Variants in AGXT observed in about 807,000 individuals in gnomAD.
AGXT encodes alanine--glyoxylate aminotransferase.
Under a neutral mutation model 46.9 loss-of-function variants are expected in AGXT, and 41 were observed. That is an observed-to-expected ratio of 0.88 (90% confidence interval 0.68 to 1.14). The LOEUF (loss-of-function observed/expected upper bound fraction) is 1.14, where lower values mean the gene tolerates loss of function less well. Ranked by LOEUF, AGXT falls within the 50% of genes most tolerant of loss-of-function variation. AGXT has a pLI of 0.00. For missense variants in AGXT, 525 were observed against 522.7 expected, an observed-to-expected ratio of 1.00 and a Z score of -0.04; for synonymous variants, 244 against 227.9, an observed-to-expected ratio of 1.07 and a Z score of -0.64.
At position 240,878,106 on chromosome 2, in the gene AGXT, T is replaced by A; in HGVS notation, c.1027T>A (p.Phe343Ile). Reference sequence around the variant, plus strand: ...CATCGTCAGCTACGTCATAGACCACTTCGACATTGAGATCATGGGTGGCCT... The same window carrying A: ...CATCGTCAGCTACGTCATAGACCACATCGACATTGAGATCATGGGTGGCCT... ...RDIVSYVIDHFDIEIMGGLGP... is the reference protein window; with the variant it reads ...RDIVSYVIDHIDIEIMGGLGP... Residue 343 changes from phenylalanine to isoleucine, a missense_variant, in exon 10 of 11, where the codon TTC (phenylalanine) becomes ATC (isoleucine). Transcript: ENST00000307503. 6.2e-7 allele frequency: 1 copy of A among 1,613,342 alleles called. No individual in the cohort carries two copies. The highest frequency in any genetic ancestry group is 8.5e-7 in the Non-Finnish European group (1 of 1,179,992).
In AGXT at chr2:240,878,009, G is replaced by A. The variant is rs1204652809; in HGVS notation, c.943-13G>A. 3.1e-6 allele frequency: 5 copies of A among 1,609,770 alleles called. No homozygotes were observed. The highest frequency in any genetic ancestry group is 3.4e-6 in the Non-Finnish European group (4 of 1,179,926). On this transcript the variant is annotated splice_polypyrimidine_tract_variant and intron_variant, in intron 9 of 10. Coordinates refer to ENST00000307503, the MANE Select transcript of AGXT (RefSeq NM_000030.3). ...GCCTCTCACCCACGCACTGAGCCAG[G>A]CCCCTCCTGCAGGCGCTCCGGCTTC... is the stretch of plus-strand genomic sequence containing the variant.
intron 2 of AGXT, among the ~76,000 whole-genome samples, chr2:240,869,746 C>G (rs1437770437): frequency 6.6e-6 from 1 of 152,186 alleles, no homozygotes; most frequent in South Asian, 2.1e-4. Context: ...CTGAAGCCTC[C>G]CCTCAAATCT....
In AGXT at chr2:240,880,030, A is replaced by G. The variant is rs1024315178; in HGVS notation, c.*1209A>G. The G allele has an allele frequency of 6.6e-6, 1 of 152,122 alleles. No individual in the cohort carries two copies. Among genetic ancestry groups the G allele is most frequent in the Non-Finnish European group, 1.5e-5 (1 of 68,034 alleles). 9.4% of individuals were successfully genotyped at this position (152,122 alleles called of 1,614,324 possible). ...ACACCTCATGATTTGTTGGTTCATCACCATAGTTGAGCATCTGGGTTATTT... is the reference window on the plus strand; with the variant it reads ...ACACCTCATGATTTGTTGGTTCATCGCCATAGTTGAGCATCTGGGTTATTT... On this transcript the variant is annotated 3_prime_UTR_variant, in exon 11 of 11. Transcript: ENST00000307503.
At chr2:240,872,294 GGAGGAGGAGGGTGAGAGTT>G (rs1218023138) in intron 4 of AGXT, among the ~76,000 whole-genome samples, 13 of 136,504 alleles carry the variant, frequency 9.5e-5, no homozygotes, top group East Asian at 2.1e-4. Flanking sequence ...TGAACATGCA[GGAGGAGGAGGGTGAGAGTT>G]CGTGAACATG....
At chr2:240,871,828 G>A (rs1271132571) in intron 4 of AGXT, among the ~76,000 whole-genome samples, 3 of 152,208 alleles carry the variant, frequency 2.0e-5, no homozygotes, top group African/African-American at 4.8e-5. Flanking sequence ...CCTCATCCCC[G>A]CATGGGGGTG....
chr2:240,877,527 T>A lies in AGXT; in HGVS notation c.847-10T>A. On this transcript the variant is annotated splice_polypyrimidine_tract_variant and intron_variant, in intron 8 of 10. Transcript: ENST00000307503. ...CATGTCACTGCCCACCAGCGCCATCTCCCACACAGGGCCTGGAGAACAGCT... is the reference window on the plus strand; with the variant it reads ...CATGTCACTGCCCACCAGCGCCATCACCCACACAGGGCCTGGAGAACAGCT... The A allele has an allele frequency of 1.3e-6, 2 of 1,544,190 alleles. No homozygotes were observed. Among genetic ancestry groups the A allele is most frequent in the Non-Finnish European group, 1.8e-6 (2 of 1,142,600 alleles).
intron 2 of AGXT, among the ~76,000 whole-genome samples, chr2:240,870,125 A>G (rs2058983656): frequency 6.6e-6 from 1 of 151,904 alleles, no homozygotes; most frequent in South Asian, 2.1e-4. Context: ...CCCTCCCACA[A>G]CCTGGCCCTG....
At chr2:240,878,669 G>A (rs1026421482) in intron 10 of AGXT, 45 bp from the exon 11 acceptor site, 13 of 1,522,830 alleles carry the variant, frequency 8.5e-6, no homozygotes, top group Non-Finnish European at 1.1e-5. Context: ...GGGTCAGGCA[G>A]GTCCCAGGCG....
At chr2:240,877,345 C>T (rs2059030838) in intron 8 of AGXT, 192 bp from the exon 9 acceptor site, 2 of 702,124 alleles carry the variant, frequency 2.8e-6, no homozygotes, top group African/African-American at 1.7e-5. Flanking sequence ...CTCTGTCTCT[C>T]CCAGACCCAG....
chr2:240,877,451 C>T (rs997819438), intron 8 of AGXT, 86 bp from the exon 9 acceptor site: 4 of 1,305,270 alleles, frequency 3.1e-6, no homozygotes, highest in Admixed American at 4.1e-5. Flanking sequence ...CCTGCAGAGT[C>T]AGGTTCTTCC....
chr2:240,878,642 T>G, intron 10 of AGXT, 72 bp from the exon 11 acceptor site: 1 of 1,435,588 alleles, frequency 7.0e-7, no homozygotes, highest in Non-Finnish European at 9.5e-7. Context: ...ATCCTGGCTC[T>G]GGCCAGCTGT....
In AGXT at chr2:240,880,153, G is replaced by A. The variant is rs2059051026; in HGVS notation, c.*1332G>A. Reference sequence around the variant, plus strand: ...ATTTTTCTTGGATAAATAACTAGGAGTGGAATTGCAGGGTCATACAATAGG... The same window carrying A: ...ATTTTTCTTGGATAAATAACTAGGAATGGAATTGCAGGGTCATACAATAGG... On this transcript the variant is annotated 3_prime_UTR_variant, in exon 11 of 11. Transcript: ENST00000307503. The A allele has an allele frequency of 6.6e-6, 1 of 152,202 alleles. No homozygotes were observed. The highest frequency in any genetic ancestry group is 2.1e-4 in the South Asian group (1 of 4,824). 9.4% of individuals were successfully genotyped at this position (152,202 alleles called of 1,614,324 possible). A position where few individuals can be genotyped will look rare whatever the true frequency, so the allele number is the denominator to read the frequency against.
chr2:240,870,650 G>A lies in AGXT; in HGVS notation c.365G>A (p.Arg122Gln), dbSNP rs781391807. 15 of 1,552,772 alleles carry A rather than the reference G, an allele frequency of 9.7e-6. No individual in the cohort carries two copies. Among genetic ancestry groups the A allele is most frequent in the African/African-American group, 5.5e-5 (4 of 73,270 alleles). Residue 122 changes from arginine to glutamine, a missense_variant, in exon 3 of 11, where the codon CGA (arginine) becomes CAA (glutamine). By Grantham distance (43) the Arg-to-Gln change is conservative (BLOSUM62 1). Coordinates refer to ENST00000307503, the MANE Select transcript of AGXT (RefSeq NM_000030.3). ...AVDIGERIGA[R>Q]VHPMTKDPGG... ...CACTCTGTCCTGCACCCAGGAGCCC[G>A]AGTGCACCCGATGACCAAGGACCCT...
In AGXT at chr2:240,874,266, C is replaced by G. The variant is rs74000072; in HGVS notation, c.680+204C>G. Among the ~76,000 whole-genome samples, 2,774 of 152,164 alleles carry G rather than the reference C, an allele frequency of 0.018. 74 individuals carry two copies. Among genetic ancestry groups the G allele is most frequent in the African/African-American group, 0.062 (2,585 of 41,520 alleles). ...GGCCGGGCGAGGGGAGGGCTGCAGG[C>G]GTGTGCAGGGTGCAGAGTCCACTGC... On this transcript the variant is annotated intron_variant, in intron 6 of 10. Coordinates refer to ENST00000307503, the MANE Select transcript of AGXT (RefSeq NM_000030.3).
Position 240,879,414 on chromosome 2 carries a change from AG to A in AGXT, c.*594del. The A allele has an allele frequency of 6.4e-6, 1 of 156,496 alleles. No homozygotes were observed. Among genetic ancestry groups the A allele is most frequent in the Non-Finnish European group, 1.4e-5 (1 of 70,824 alleles). 9.7% of individuals were successfully genotyped at this position (156,496 alleles called of 1,614,324 possible). ...AGGACCTGAGCCCATGACACGTGGAAGCCTCCAATGGAAGGTCCCCTATGCT... is the reference window on the plus strand; with the variant it reads ...AGGACCTGAGCCCATGACACGTGGAACCTCCAATGGAAGGTCCCCTATGCT... On this transcript the variant is annotated 3_prime_UTR_variant, in exon 11 of 11. Coordinates refer to ENST00000307503, the MANE Select transcript of AGXT (RefSeq NM_000030.3).
chr2:240,871,408 C>A lies in AGXT; in HGVS notation c.483C>A (p.Gly161=), dbSNP rs757583201. The A allele has an allele frequency of 2.2e-5, 36 of 1,600,154 alleles. No individual in the cohort carries two copies. In the Middle Eastern group the frequency reaches 6.6e-4, roughly 29 times the overall value. Residue 161 remains glycine (G), a synonymous_variant, in exon 4 of 11, where the codon GGC becomes GGA. Coordinates refer to ENST00000307503, the MANE Select transcript of AGXT (RefSeq NM_000030.3). The part of the protein sequence containing the change: ...LFLTHGESST[G]VLQPLDGFGE... ...TAACCCACGGGGAGTCGTCCACCGG[C>A]GTGCTGCAGCCCCTTGATGGCTTCG...
In AGXT at chr2:240,877,117, G is replaced by C. The variant is rs1240538111; in HGVS notation, c.847-420G>C. The C allele has an allele frequency of 8.2e-6, 3 of 367,550 alleles. No individual in the cohort carries two copies. The Admixed American group carries it at 1.1e-4, about 13-fold the overall frequency. 22.8% of individuals were successfully genotyped at this position (367,550 alleles called of 1,614,324 possible). A position where few individuals can be genotyped will look rare whatever the true frequency, so the allele number is the denominator to read the frequency against. On this transcript the variant is annotated intron_variant, in intron 8 of 10. Transcript: ENST00000307503. The stretch of plus-strand genomic sequence containing the variant: ...CCTCACCTGTCCAGAGCTGAGGCAG[G>C]AGCAGTGCTGCGGAGGATGCCAGGT...
chr2:240,872,322 T>TGCA lies in AGXT; in HGVS notation c.525-656_525-655insCAG, dbSNP rs1559569200. ...GGAGGAGGGTGAGAGTTCGTGAACA[T>TGCA]GGAGGAGGAGGAGGGTGAGAGTTCG... is the stretch of plus-strand genomic sequence containing the variant. On this transcript the variant is annotated intron_variant, in intron 4 of 10. Transcript: ENST00000307503. 7.1e-3 allele frequency among the ~76,000 whole-genome samples: 414 copies of TGCA among 58,560 alleles called. 2 individuals carry two copies. Among genetic ancestry groups the TGCA allele is most frequent in the Non-Finnish European group, 8.6e-3 (228 of 26,444 alleles). 38.4% of individuals were successfully genotyped at this position (58,560 alleles called of 152,430 possible).
intron 4 of AGXT, among the ~76,000 whole-genome samples, chr2:240,872,092 C>A (rs777641459): frequency 4.6e-5 from 7 of 152,204 alleles, no homozygotes; most frequent in Admixed American, 3.3e-4. Flanking sequence ...GCGGCCAGCA[C>A]GAGATACTTT....
Sources: allele counts gnomAD v4.1 joint callset (sites outside exome capture counted in the v4.1 genomes callset), GRCh38; gene constraint gnomAD v4.1.1; transcripts MANE v1.5; gene names NCBI Gene and HGNC (gene_info 2026-07-23, HGNC 2026-07-21).